Variants in ARF1 observed in about 807,000 individuals in gnomAD.
The protein encoded by ARF1 is ARF GTPase 1, also known as ADP-ribosylation factor 1.
ARF1 carries 1 observed loss-of-function variant against 18.0 expected under a neutral mutation model. That is an observed-to-expected ratio of 0.06 (90% CI 0.02 to 0.26). The LOEUF is 0.26. Among genes scored for constraint, ARF1 ranks in the 10% least tolerant of loss-of-function variants. ARF1 has a pLI of 1.00. For synonymous variants in ARF1, 112 were observed against 96.3 expected, an observed-to-expected ratio of 1.16 and a Z score of -0.95; for missense variants, 73 against 247.2, an observed-to-expected ratio of 0.30 and a Z score of 4.73.
At chr1:228,093,390 G>T (rs2032632189) in intron 1 of ARF1, among the ~76,000 whole-genome samples, 1 of 152,042 alleles carries the variant, frequency 6.6e-6, no homozygotes, top group Non-Finnish European at 1.5e-5. Flanking sequence ...ATGATGTAGG[G>T]GCTGCCAGGT....
intron 1 of ARF1, among the ~76,000 whole-genome samples, chr1:228,093,755 C>G (rs1033102405): frequency 6.6e-6 from 1 of 151,850 alleles, no homozygotes; most frequent in African/African-American, 2.4e-5. Context: ...GAAACCCCGT[C>G]TCTACTAAAA....
chr1:228,092,645 G>A (rs955035142), intron 1 of ARF1, among the ~76,000 whole-genome samples: 2 of 152,190 alleles, frequency 1.3e-5, no homozygotes, highest in African/African-American at 4.8e-5. Flanking sequence ...ACATACACCA[G>A]CTCTGACAGG....
At chr1:228,088,965 G>T (rs974948012) in intron 1 of ARF1, among the ~76,000 whole-genome samples, 2 of 152,180 alleles carry the variant, frequency 1.3e-5, no homozygotes, top group African/African-American at 4.8e-5. Flanking sequence ...GCAGCCGTGG[G>T]GCAGCTCTGA....
intron 1 of ARF1, among the ~76,000 whole-genome samples, chr1:228,095,470 A>G (rs1283608378): frequency 6.6e-6 from 1 of 152,172 alleles, no homozygotes; most frequent in Non-Finnish European, 1.5e-5. Flanking sequence ...GTGGCCCAGG[A>G]TGGCTTTGAA....
chr1:228,084,620 AC>A (rs1302793872), intron 1 of ARF1, among the ~76,000 whole-genome samples: 1 of 152,170 alleles, frequency 6.6e-6, no homozygotes. Context: ...TATGGAGAGG[AC>A]ATTCAGACAT....
intron 1 of ARF1, among the ~76,000 whole-genome samples, chr1:228,096,147 G>A (rs1163141163): frequency 1.3e-5 from 2 of 152,218 alleles, no homozygotes; most frequent in African/African-American, 4.8e-5. Context: ...GTGACTGGAT[G>A]AGAGAGTCAC....
At chr1:228,093,624 TAAAA>T (rs11420776) in intron 1 of ARF1, among the ~76,000 whole-genome samples, 4 of 138,780 alleles carry the variant, frequency 2.9e-5, no homozygotes, top group Non-Finnish European at 6.2e-5. Context: ...TTTGGTCTGT[TAAAA>T]AAAAAAAAAA....
intron 1 of ARF1, among the ~76,000 whole-genome samples, chr1:228,085,025 C>T (rs1280626991): frequency 6.6e-6 from 1 of 152,246 alleles, no homozygotes; most frequent in South Asian, 2.1e-4. Context: ...CTCCCCTTGA[C>T]CTTTCACCTC....
At chr1:228,083,571 A>G (rs1456665618) in intron 1 of ARF1, 2 of 152,300 alleles carry the variant, frequency 1.3e-5, no homozygotes, top group African/African-American at 2.4e-5. Flanking sequence ...CTTTAACTCC[A>G]GGGTGGTTTC....
intron 1 of ARF1, among the ~76,000 whole-genome samples, chr1:228,095,298 C>T (rs987711691): frequency 3.4e-5 from 5 of 148,832 alleles, no homozygotes; most frequent in African/African-American, 1.2e-4. Flanking sequence ...TGGGGGTGGG[C>T]GGAGCTCCAG....
At chr1:228,085,187 G>A (rs2032353439) in intron 1 of ARF1, among the ~76,000 whole-genome samples, 1 of 152,236 alleles carries the variant, frequency 6.6e-6, no homozygotes. Flanking sequence ...TGGTTGGTAG[G>A]GGCATTCTGC....
At chr1:228,095,707 C>G (rs568578695) in intron 1 of ARF1, among the ~76,000 whole-genome samples, 59 of 152,272 alleles carry the variant, frequency 3.9e-4, no homozygotes, top group African/African-American at 1.4e-3. Context: ...ATCATCACAT[C>G]CAAGGTCTTC....
intron 1 of ARF1, among the ~76,000 whole-genome samples, chr1:228,087,201 A>T (rs1307295095): frequency 1.3e-5 from 2 of 152,190 alleles, no homozygotes. Context: ...ACATCTTTCC[A>T]TTTGTGTCAT....
intron 1 of ARF1, among the ~76,000 whole-genome samples, chr1:228,083,818 C>T (rs1000928049): frequency 6.6e-6 from 1 of 152,244 alleles, no homozygotes; most frequent in African/African-American, 2.4e-5. Context: ...CTGGCACTCC[C>T]TTTCAGTCCA....
At position 228,098,164 on chromosome 1, in the gene ARF1, C is replaced by A; in HGVS notation, c.*151C>A. 2.2e-6 allele frequency: 2 copies of A among 899,650 alleles called. No homozygotes were observed. The highest frequency in any genetic ancestry group is 3.4e-5 in the Admixed American group (1 of 29,378). The allele number at this position is 899,650 out of a possible 1,614,324, so 55.7% of individuals were successfully genotyped here. A position where few individuals can be genotyped will look rare whatever the true frequency, so the allele number is the denominator to read the frequency against. On this transcript the variant is annotated 3_prime_UTR_variant, in exon 5 of 5. Transcript: ENST00000272102. ...CTGTAAATGTGGCAGACGCAGCCTGCGGCCAGGCTTTTTATTTAATGTAAA... is the reference window on the plus strand; with the variant it reads ...CTGTAAATGTGGCAGACGCAGCCTGAGGCCAGGCTTTTTATTTAATGTAAA...
chr1:228,094,387 TC>T (rs2124852904), intron 1 of ARF1, among the ~76,000 whole-genome samples: 1 of 152,252 alleles, frequency 6.6e-6, no homozygotes, highest in South Asian at 2.1e-4. Flanking sequence ...ACATCAGGAC[TC>T]CCTGAGTATC....
chr1:228,097,136 C>A lies in ARF1; in HGVS notation c.22C>A (p.Leu8Ile). 1 of 1,609,824 alleles carries A rather than the reference C, an allele frequency of 6.2e-7. No homozygotes were observed. Among genetic ancestry groups the A allele is most frequent in the Non-Finnish European group, 8.5e-7 (1 of 1,177,806 alleles). The change falls in exon 2 of 5, where the codon CTC becomes ATC. Residue 8 changes from leucine (L) to isoleucine (I), a missense_variant. By Grantham distance (5) the Leu-to-Ile change is conservative (BLOSUM62 2). Coordinates refer to ENST00000272102, the MANE Select transcript of ARF1 (RefSeq NM_001658.4). This position sits in a 1 kb window ranked among gnomAD's most constrained non-coding sequence, Gnocchi z 8.1. MGNIFAN[L>I]FKGLFGKKEM... ...AAGCATGGGGAACATCTTCGCCAAC[C>A]TCTTCAAGGGCCTTTTTGGCAAAAA...
chr1:228,094,483 C>G (rs759866897), intron 1 of ARF1, among the ~76,000 whole-genome samples: 3 of 152,046 alleles, frequency 2.0e-5, no homozygotes, highest in Non-Finnish European at 4.4e-5. Context: ...GCGAACCTGT[C>G]ATTATTAGTT....
rs578074868 is a variant in ARF1 at position 228,098,253 on chromosome 1, T to A, written c.*240T>A. The A allele has an allele frequency of 2.3e-6, 1 of 426,186 alleles. No homozygotes were observed. Among genetic ancestry groups the A allele is most frequent in the South Asian group, 4.9e-5 (1 of 20,490 alleles). 26.4% of individuals were successfully genotyped at this position (426,186 alleles called of 1,614,324 possible). A position where few individuals can be genotyped will look rare whatever the true frequency, so the allele number is the denominator to read the frequency against. Reference sequence around the variant, plus strand: ...ATGCAATATTACTCAGCTTTTTTTATTGTAAAAAGAAAAATCAACTCACTG... The same window carrying A: ...ATGCAATATTACTCAGCTTTTTTTAATGTAAAAAGAAAAATCAACTCACTG... On this transcript the variant is annotated 3_prime_UTR_variant, in exon 5 of 5. Coordinates refer to ENST00000272102, the MANE Select transcript of ARF1 (RefSeq NM_001658.4).
Sources: allele counts gnomAD v4.1 joint callset (sites outside exome capture counted in the v4.1 genomes callset), GRCh38; gene constraint gnomAD v4.1.1; non-coding constraint Gnocchi (gnomAD v3.1); transcripts MANE v1.5; gene names NCBI Gene and HGNC (gene_info 2026-07-23, HGNC 2026-07-21).